Variants in CNIH3 observed in about 807,000 individuals in gnomAD.
CNIH3 encodes the protein cornichon family AMPA receptor auxiliary protein 3.
A neutral mutation model predicts 24.1 loss-of-function variants in CNIH3; 14 were observed. That is an observed-to-expected ratio of 0.58 (90% CI 0.38 to 0.91). The LOEUF (loss-of-function observed/expected upper bound fraction) is 0.91, where lower values mean the gene tolerates loss of function less well. CNIH3 is among the 40% of genes least tolerant of loss of function. The pLI, the probability that CNIH3 is intolerant of heterozygous loss-of-function variation, is 0.00. For synonymous variants in CNIH3, 68 were observed against 73.8 expected, an observed-to-expected ratio of 0.92 and a Z score of 0.40; for missense variants, 178 against 196.8, an observed-to-expected ratio of 0.90 and a Z score of 0.57.
intron 2 of CNIH3, among the ~76,000 whole-genome samples, chr1:224,528,359 T>A (rs1678926546): frequency 6.6e-6 from 1 of 152,202 alleles, no homozygotes; most frequent in African/African-American, 2.4e-5. Context: ...CTTATTATAT[T>A]GTACAGGTTG....
At chr1:224,505,305 GA>G (rs35027217) in intron 1 of CNIH3, among the ~76,000 whole-genome samples, 106,352 of 138,496 alleles carry the variant, frequency 0.77, 40,458 homozygotes, top group Middle Eastern at 0.89. Flanking sequence ...TCTCAAAAAG[GA>G]AAAAAAAAAA....
chr1:224,468,514 A>T (rs10753470), intron 1 of CNIH3, among the ~76,000 whole-genome samples: 131,880 of 152,220 alleles, frequency 0.87, 57,727 homozygotes, highest in East Asian at 0.97. Flanking sequence ...GTGTCCAGTG[A>T]CCTTCCTTAT....
intron 4 of CNIH3, among the ~76,000 whole-genome samples, chr1:224,731,962 A>G (rs1363199314): frequency 1.3e-5 from 2 of 152,242 alleles, no homozygotes; most frequent in Non-Finnish European, 2.9e-5. Context: ...GCCTGAAATG[A>G]TTTGATGGGG....
intron 1 of CNIH3, among the ~76,000 whole-genome samples, chr1:224,455,284 C>CCAT (rs763962225): frequency 1.2e-4 from 19 of 152,134 alleles, no homozygotes; most frequent in Non-Finnish European, 2.6e-4. Flanking sequence ...GTAAGCTGAA[C>CCAT]CATCATAGGT....
intron 3 of CNIH3, among the ~76,000 whole-genome samples, chr1:224,555,214 G>A (rs867026041): frequency 2.0e-5 from 3 of 152,222 alleles, no homozygotes; most frequent in African/African-American, 4.8e-5. Flanking sequence ...AGGACACACA[G>A]CTAAGTGTGG....
intron 1 of CNIH3, among the ~76,000 whole-genome samples, chr1:224,622,021 C>T (rs188909909): frequency 6.6e-6 from 1 of 152,158 alleles, no homozygotes; most frequent in African/African-American, 2.4e-5. Flanking sequence ...GTAAGACATG[C>T]CTTTGCTCCT....
chr1:224,522,054 C>G (rs948875346), intron 2 of CNIH3, among the ~76,000 whole-genome samples: 1 of 152,148 alleles, frequency 6.6e-6, no homozygotes, highest in African/African-American at 2.4e-5. Flanking sequence ...TAAATTGTTG[C>G]CTGTTCTCCC....
At chr1:224,537,973 CAG>C (rs1390413876), downstream of CNIH3, among the ~76,000 whole-genome samples, 1 of 150,930 alleles carries the variant, frequency 6.6e-6, no homozygotes, top group Non-Finnish European at 1.5e-5. Flanking sequence ...TTTTTTGAGA[CAG>C]AGTCTCACTC....
intron 2 of CNIH3, among the ~76,000 whole-genome samples, chr1:224,682,687 G>A (rs1686458007): frequency 6.6e-6 from 1 of 152,136 alleles, no homozygotes; most frequent in Non-Finnish European, 1.5e-5. Context: ...TTTGTGTTTG[G>A]CACCAACATT....
At chr1:224,665,878 A>G (rs1366868657) in intron 1 of CNIH3, among the ~76,000 whole-genome samples, 1 of 149,482 alleles carries the variant, frequency 6.7e-6, no homozygotes. Context: ...CGAGGAGCCT[A>G]GTGTGCTAGG....
At chr1:224,667,702 TG>T (rs1370682955) in intron 1 of CNIH3, among the ~76,000 whole-genome samples, 1 of 151,198 alleles carries the variant, frequency 6.6e-6, no homozygotes, top group Non-Finnish European at 1.5e-5. Flanking sequence ...GCGGCTCTGC[TG>T]GGGGAATGTA....
intron 3 of CNIH3, among the ~76,000 whole-genome samples, chr1:224,551,607 A>G (rs956374011): frequency 1.3e-5 from 2 of 152,082 alleles, no homozygotes. Context: ...CATTAATATC[A>G]CAGTGTGTAA....
intron 3 of CNIH3, among the ~76,000 whole-genome samples, chr1:224,693,280 G>T (rs961155829): frequency 3.0e-5 from 4 of 134,278 alleles, no homozygotes; most frequent in African/African-American, 1.1e-4. Context: ...GCGAACTGAA[G>T]ACTTTACAAA....
chr1:224,514,904 C>G (rs181211212), upstream of CNIH3, among the ~76,000 whole-genome samples: 349 of 152,306 alleles, frequency 2.3e-3, 1 homozygote, highest in Middle Eastern at 0.031. Flanking sequence ...ACCTTACACT[C>G]CTTTATTTTG....
chr1:224,483,067 TTCTC>T (rs1278798798), intron 1 of CNIH3, among the ~76,000 whole-genome samples: 2 of 152,224 alleles, frequency 1.3e-5, no homozygotes, highest in African/African-American at 4.8e-5. Context: ...AGCACACAGA[TTCTC>T]TCTCTGTGCC....
chr1:224,634,579 A>G (rs1273372886), intron 1 of CNIH3, among the ~76,000 whole-genome samples: 1 of 125,980 alleles, frequency 7.9e-6, no homozygotes, highest in Non-Finnish European at 1.6e-5. Context: ...TCTCCAAAAA[A>G]AAAAATAAAA....
At chr1:224,495,836 C>G (rs964787662) in intron 1 of CNIH3, among the ~76,000 whole-genome samples, 1 of 152,122 alleles carries the variant, frequency 6.6e-6, no homozygotes, top group Non-Finnish European at 1.5e-5. Flanking sequence ...CTCCTATAAT[C>G]CCATCACTTT....
At chr1:224,462,991 CCTGGGTTCAAG>C (rs1675990096) in intron 1 of CNIH3, among the ~76,000 whole-genome samples, 1 of 149,850 alleles carries the variant, frequency 6.7e-6, no homozygotes, top group Non-Finnish European at 1.5e-5. Context: ...ACCTGCACCT[CCTGGGTTCAAG>C]CAATTCTGCC....
At chr1:224,486,690 C>T (rs1163328074) in intron 1 of CNIH3, among the ~76,000 whole-genome samples, 1 of 152,180 alleles carries the variant, frequency 6.6e-6, no homozygotes, top group Non-Finnish European at 1.5e-5. Context: ...TGGCATCACA[C>T]CTCACTAGTT....
Sources: allele counts gnomAD v4.1 joint callset (sites outside exome capture counted in the v4.1 genomes callset), GRCh38; gene constraint gnomAD v4.1.1; transcripts MANE v1.5; gene names NCBI Gene and HGNC (gene_info 2026-07-23, HGNC 2026-07-21).